The following ZSCAN25 variants were observed in gnomAD, a reference collection of about 807,000 sequenced individuals.
ZSCAN25 encodes zinc finger and SCAN domain containing 25.
Under a neutral mutation model 38.7 loss-of-function variants are expected in ZSCAN25, and 27 were observed. That is an observed-to-expected ratio of 0.70 (90% CI 0.51 to 0.96). The LOEUF (loss-of-function observed/expected upper bound fraction) is 0.96, where lower values mean the gene tolerates loss of function less well. ZSCAN25 is among the 40% of genes least tolerant of loss of function. The probability of loss-of-function intolerance (pLI) is 0.00; values close to 1 mark genes in which losing one functional copy is unlikely to be tolerated. For missense variants in ZSCAN25, 637 were observed against 705.9 expected (o/e 0.90, Z 1.11); for synonymous variants, 273 against 277.7 (o/e 0.98, Z 0.17).
the ZSCAN25 span, among the ~76,000 whole-genome samples, chr7:99,657,964 A>G: frequency 4.6e-5 from 7 of 151,858 alleles, no homozygotes; most frequent in South Asian, 1.0e-3. Context: ...CTTTATTTTG[A>G]GCCTATGTGT....
chr7:99,671,860 T>G, the ZSCAN25 span: 2 of 702,956 alleles, frequency 2.8e-6, no homozygotes, highest in Middle Eastern at 2.3e-4. Context: ...ATCTTGATGG[T>G]GCTGGTCGTT....
chr7:99,717,247 G>A, the ZSCAN25 span: 1 of 1,613,920 alleles, frequency 6.2e-7, no homozygotes, highest in East Asian at 2.2e-5. Flanking sequence ...TCTCCATACT[G>A]GGCAATGATA....
At chr7:99,726,953 C>T in the ZSCAN25 span, among the ~76,000 whole-genome samples, 2 of 152,216 alleles carry the variant, frequency 1.3e-5, no homozygotes. Flanking sequence ...CAAAACAACT[C>T]CTTTCCTTCC....
Position 99,619,778 on chromosome 7 carries a change from G to A in ZSCAN25, c.172G>A (p.Glu58Lys), listed in dbSNP as rs1200612912. ...FRYQEAAGPQ[E>K]ALRELQELCR... Reference sequence around the variant, plus strand: ...CTACCAGGAGGCAGCTGGACCCCAGGAAGCTCTTAGGGAGCTCCAGGAGCT... The same window carrying A: ...CTACCAGGAGGCAGCTGGACCCCAGAAAGCTCTTAGGGAGCTCCAGGAGCT... Residue 58 changes from glutamate (E) to lysine (K), a missense_variant, in exon 4 of 8, where the codon GAA becomes AAA. By Grantham distance (56) the Glu-to-Lys change is moderately conservative. Coordinates refer to ENST00000394152, the MANE Select transcript of ZSCAN25 (RefSeq NM_145115.3). 2 of 1,614,254 alleles carry A rather than the reference G, an allele frequency of 1.2e-6. No homozygotes were observed. The highest frequency in any genetic ancestry group is 1.7e-6 in the Non-Finnish European group (2 of 1,180,052).
chr7:99,630,074 GC>G lies in ZSCAN25; in HGVS notation c.*55del. ...TTCATCTTTCTCACTGCAGGGCCTT[GC>G]GGGGTGCAAGGTGATGGCTGCAGGA... On this transcript the variant is annotated 3_prime_UTR_variant, in exon 8 of 8. Transcript: ENST00000394152. The G allele has an allele frequency of 6.8e-7, 1 of 1,461,940 alleles. No individual in the cohort carries two copies. The highest frequency in any genetic ancestry group is 1.4e-5 in the African/African-American group (1 of 70,404). The allele number at this position is 1,461,940 out of a possible 1,614,324, so 90.6% of individuals were successfully genotyped here. A position where few individuals can be genotyped will look rare whatever the true frequency, so the allele number is the denominator to read the frequency against.
the ZSCAN25 span, chr7:99,735,261 G>A: frequency 2.2e-6 from 2 of 902,974 alleles, no homozygotes; most frequent in Non-Finnish European, 3.5e-6. Context: ...GCTGCAGCCA[G>A]TAGCAGGGCC....
chr7:99,733,246 C>T, the ZSCAN25 span, among the ~76,000 whole-genome samples: 1 of 152,206 alleles, frequency 6.6e-6, no homozygotes, highest in East Asian at 1.9e-4. Context: ...GTTACATGAT[C>T]TCTCAGGCCA....
At chr7:99,701,147 AC>A in the ZSCAN25 span, among the ~76,000 whole-genome samples, 1 of 152,208 alleles carries the variant, frequency 6.6e-6, no homozygotes, top group Non-Finnish European at 1.5e-5. Context: ...TAAGACCCAG[AC>A]ATTAGCTCAA....
the ZSCAN25 span, among the ~76,000 whole-genome samples, chr7:99,721,717 C>T: frequency 2.0e-5 from 3 of 151,796 alleles, no homozygotes; most frequent in Non-Finnish European, 4.4e-5. Context: ...CGAGTGTGAA[C>T]ATTGTGAGAA....
chr7:99,666,679 A>T, the ZSCAN25 span: 2 of 1,613,964 alleles, frequency 1.2e-6, no homozygotes, highest in African/African-American at 2.7e-5. Context: ...CTGGGCAATG[A>T]TGGGGAACAT....
the ZSCAN25 span, chr7:99,673,019 CATA>C: frequency 2.7e-6 from 1 of 365,208 alleles, no homozygotes; most frequent in African/African-American, 2.2e-5. Flanking sequence ...TGCCACTCTC[CATA>C]ATGTTTTATA....
At chr7:99,675,901 G>T in the ZSCAN25 span, among the ~76,000 whole-genome samples, 4 of 150,678 alleles carry the variant, frequency 2.7e-5, no homozygotes, top group Non-Finnish European at 4.4e-5. Flanking sequence ...TCACTGTGTT[G>T]CCCAGGCTGT....
chr7:99,719,913 C>G, the ZSCAN25 span, among the ~76,000 whole-genome samples: 2 of 152,198 alleles, frequency 1.3e-5, no homozygotes, highest in East Asian at 1.9e-4. Context: ...AGAAGAATCA[C>G]TTGAACCCTG....
the ZSCAN25 span, chr7:99,663,045 T>C: frequency 7.3e-7 from 1 of 1,365,974 alleles, no homozygotes; most frequent in Admixed American, 3.0e-5. Flanking sequence ...AAAACATTCA[T>C]CTAAATCCTT....
chr7:99,721,036 C>G, the ZSCAN25 span: 1 of 153,590 alleles, frequency 6.5e-6, no homozygotes, highest in Non-Finnish European at 1.5e-5. Context: ...TTCTAGTGAA[C>G]GAACACACCA....
chr7:99,666,083 C>T, the ZSCAN25 span, among the ~76,000 whole-genome samples: 1 of 152,184 alleles, frequency 6.6e-6, no homozygotes, highest in Non-Finnish European at 1.5e-5. Flanking sequence ...TTGCTCTACA[C>T]ATAGCATTTC....
the ZSCAN25 span, chr7:99,660,742 T>A: frequency 1.3e-6 from 2 of 1,502,992 alleles, no homozygotes; most frequent in Non-Finnish European, 1.8e-6. Flanking sequence ...TGAAGCTCTC[T>A]AATCCCAAGA....
At chr7:99,659,998 A>AC in the ZSCAN25 span, 1 of 159,612 alleles carries the variant, frequency 6.3e-6, no homozygotes, top group Non-Finnish European at 1.3e-5. Flanking sequence ...GAATTCCCTG[A>AC]CCCCTTGCAC....
the ZSCAN25 span, among the ~76,000 whole-genome samples, chr7:99,723,719 G>A: frequency 2.0e-5 from 3 of 152,080 alleles, no homozygotes; most frequent in East Asian, 1.9e-4. Flanking sequence ...TCGGGTAAGC[G>A]GCCTCTTTTT....
Sources: allele counts gnomAD v4.1 joint callset (sites outside exome capture counted in the v4.1 genomes callset), GRCh38; gene constraint gnomAD v4.1.1; transcripts MANE v1.5; gene names NCBI Gene and HGNC (gene_info 2026-07-23, HGNC 2026-07-21).